Variants in NRXN3 observed in about 807,000 individuals in gnomAD.
NRXN3 encodes the protein neurexin III.
NRXN3 carries 32 observed loss-of-function variants against 137.6 expected under a neutral mutation model. That is an observed-to-expected ratio of 0.23 (90% CI 0.18 to 0.31). The LOEUF (loss-of-function observed/expected upper bound fraction) is 0.31, where lower values mean the gene tolerates loss of function less well. Among genes scored for constraint, NRXN3 ranks in the 10% least tolerant of loss-of-function variants. NRXN3 has a pLI of 1.00. For synonymous variants in NRXN3, 798 were observed against 784.5 expected (o/e 1.02, Z -0.29); for missense variants, 1,574 against 2,062.5 (o/e 0.76, Z 4.59).
chr14:78,261,291 T>C (rs1208419200), intron 2 of NRXN3, among the ~76,000 whole-genome samples: 1 of 152,186 alleles, frequency 6.6e-6, no homozygotes, highest in Non-Finnish European at 1.5e-5. Flanking sequence ...CTCCCTCTCC[T>C]GCACATAACT....
chr14:78,948,909 G>T (rs1413474031), intron 10 of NRXN3, among the ~76,000 whole-genome samples: 1 of 152,162 alleles, frequency 6.6e-6, no homozygotes, highest in African/African-American at 2.4e-5. Flanking sequence ...TTTCAGACAG[G>T]CTGACTAGGG....
intron 1 of NRXN3, among the ~76,000 whole-genome samples, chr14:78,225,973 T>TGTGTGTTGG (rs1567012828): frequency 3.8e-4 from 9 of 23,482 alleles, no homozygotes; most frequent in African/African-American, 1.8e-3. Context: ...GTGTGTGTGT[T>TGTGTGTTGG]GGTGTGTGTG....
intron 4 of NRXN3, among the ~76,000 whole-genome samples, chr14:78,553,648 G>A (rs984512745): frequency 1.3e-5 from 2 of 152,210 alleles, no homozygotes; most frequent in Non-Finnish European, 2.9e-5. Context: ...TAATGGTAAC[G>A]AAGTTCTAAT....
At chr14:79,273,173 A>AAAAAAAT (rs1491240497) in intron 15 of NRXN3, among the ~76,000 whole-genome samples, 1 of 105,130 alleles carries the variant, frequency 9.5e-6, no homozygotes. Context: ...CTCTGTGGCC[A>AAAAAAAT]AAAAAAAAAA....
At chr14:78,797,828 G>A (rs941348810) in intron 8 of NRXN3, among the ~76,000 whole-genome samples, 1 of 152,130 alleles carries the variant, frequency 6.6e-6, no homozygotes, top group Non-Finnish European at 1.5e-5. Context: ...TGGCAGACAA[G>A]AGAGAAAATG....
chr14:79,119,281 A>G (rs1055820369), intron 15 of NRXN3, among the ~76,000 whole-genome samples: 53 of 152,302 alleles, frequency 3.5e-4, no homozygotes, highest in African/African-American at 1.2e-3. Context: ...ATTAATACCA[A>G]TGAATCTATT....
At chr14:78,323,185 A>C (rs2079606641) in intron 4 of NRXN3, among the ~76,000 whole-genome samples, 1 of 152,088 alleles carries the variant, frequency 6.6e-6, no homozygotes, top group Admixed American at 6.5e-5. Flanking sequence ...CCCAAATATC[A>C]ACCTACGAAC....
intron 1 of NRXN3, among the ~76,000 whole-genome samples, chr14:78,211,849 G>GCT (rs1846488215): frequency 6.6e-6 from 1 of 152,194 alleles, no homozygotes; most frequent in East Asian, 1.9e-4. Flanking sequence ...TGGCCCGAAG[G>GCT]GGAATCACTG....
rs1163073631 is a variant in NRXN3, at chr14:79,273,172, CAAAAAAAAAAAAAAA to C, written c.3263-194035_3263-194021del. Among the ~76,000 whole-genome samples the C allele has an allele frequency of 1.9e-4, 4 of 20,754 alleles. No homozygotes were observed. The East Asian group carries it at 7.2e-3, about 37-fold the overall frequency. 13.6% of individuals were successfully genotyped at this position (20,754 alleles called of 152,430 possible). A position where few individuals can be genotyped will look rare whatever the true frequency, so the allele number is the denominator to read the frequency against. ...GGGCGGCAATGCAAGACTCTGTGGCCAAAAAAAAAAAAAAAAAAAAAAAAAAAATGGGTGGGAGGG... is the reference window on the plus strand; with the variant it reads ...GGGCGGCAATGCAAGACTCTGTGGCCAAAAAAAAAAAAATGGGTGGGAGGG... On this transcript the variant is annotated intron_variant, in intron 15 of 20. Transcript: ENST00000335750.
chr14:79,187,530 T>A (rs578214229), intron 15 of NRXN3, among the ~76,000 whole-genome samples: 54 of 152,342 alleles, frequency 3.5e-4, no homozygotes, highest in African/African-American at 1.1e-3. Flanking sequence ...CTCACCATAA[T>A]GATTTACCCT....
At chr14:79,748,248 T>G (rs951045683) in intron 19 of NRXN3, among the ~76,000 whole-genome samples, 2 of 152,024 alleles carry the variant, frequency 1.3e-5, no homozygotes, top group African/African-American at 4.8e-5. Context: ...AAAAAAAATT[T>G]TAAAAACTTA....
intron 15 of NRXN3, among the ~76,000 whole-genome samples, chr14:79,302,686 AGGAGGTT>A (rs937335574): frequency 5.9e-5 from 9 of 152,004 alleles, no homozygotes; most frequent in African/African-American, 1.9e-4. Flanking sequence ...GTGAGTTCTC[AGGAGGTT>A]TGATTGTTTA....
At chr14:79,770,287 C>G (rs369813370) in intron 19 of NRXN3, among the ~76,000 whole-genome samples, 1 of 151,810 alleles carries the variant, frequency 6.6e-6, no homozygotes, top group Non-Finnish European at 1.5e-5. Flanking sequence ...ATAGACATCT[C>G]CAGAACTCTC....
intron 8 of NRXN3, among the ~76,000 whole-genome samples, chr14:78,783,951 T>C (rs901328591): frequency 2.6e-5 from 4 of 151,634 alleles, no homozygotes; most frequent in Non-Finnish European, 4.4e-5. Flanking sequence ...TTATAGAGCA[T>C]CTACTATGGA....
In NRXN3 at chr14:79,027,200, A is replaced by C. The variant is rs58737720; in HGVS notation, c.3262+39059A>C. ...CCATATATTCTTTTTTTTTCTTTTG[A>C]TAAAAGGAAAAGCAACACCCTACCA... On this transcript the variant is annotated intron_variant, in intron 15 of 20. Coordinates refer to ENST00000335750, the MANE Select transcript of NRXN3 (RefSeq NM_001330195.2). 8.1e-3 allele frequency among the ~76,000 whole-genome samples: 1,201 copies of C among 148,858 alleles called. 19 individuals are homozygous for C. Among genetic ancestry groups the C allele is most frequent in the African/African-American group, 0.028 (1,132 of 40,326 alleles).
At chr14:79,029,133 GA>G (rs1367302865) in intron 15 of NRXN3, among the ~76,000 whole-genome samples, 3 of 151,802 alleles carry the variant, frequency 2.0e-5, no homozygotes, top group Non-Finnish European at 4.4e-5. Context: ...GGAAATAAAA[GA>G]AAAAAGAATG....
intron 15 of NRXN3, among the ~76,000 whole-genome samples, chr14:79,014,562 T>G (rs1190576452): frequency 1.3e-5 from 2 of 152,196 alleles, no homozygotes; most frequent in African/African-American, 4.8e-5. Flanking sequence ...CTGCAATGAA[T>G]GTATGTGTGC....
At chr14:79,506,203 G>C (rs1016685528) in intron 16 of NRXN3, among the ~76,000 whole-genome samples, 2 of 152,132 alleles carry the variant, frequency 1.3e-5, no homozygotes, top group African/African-American at 4.8e-5. Flanking sequence ...TACATTCAAG[G>C]GGAGGGGATT....
At chr14:79,079,437 A>G (rs2046525754) in intron 15 of NRXN3, among the ~76,000 whole-genome samples, 1 of 152,194 alleles carries the variant, frequency 6.6e-6, no homozygotes, top group Admixed American at 6.5e-5. Flanking sequence ...AAAAGTGTAT[A>G]TTCTATGGTG....
Sources: gnomAD v4.1 joint callset for allele counts (sites outside exome capture counted in the v4.1 genomes callset) on GRCh38, gnomAD v4.1.1 for gene constraint, MANE v1.5 for transcripts, NCBI Gene and HGNC (gene_info 2026-07-23, HGNC 2026-07-21) for gene names.